The following CNTNAP2 variants were observed in gnomAD, a reference collection of about 807,000 sequenced individuals.
CNTNAP2 encodes the protein contactin associated protein 2, also known as contactin-associated protein-like 2.
In CNTNAP2, 98 loss-of-function variants were observed where a neutral mutation model predicts 155.2. The ratio of observed to expected loss-of-function variants is 0.63; its 90% confidence interval spans 0.54 to 0.75. The LOEUF (loss-of-function observed/expected upper bound fraction) is 0.75. Among genes scored for constraint, CNTNAP2 ranks in the 30% least tolerant of loss-of-function variants. The probability of loss-of-function intolerance (pLI) is 0.00; values close to 1 mark genes in which losing one functional copy is unlikely to be tolerated. For synonymous variants in CNTNAP2, 651 were observed against 631.2 expected (o/e 1.03, Z -0.47); for missense variants, 1,727 against 1,688.1 (o/e 1.02, Z -0.40).
At chr7:147,939,535 G>C (rs1055130202) in intron 14 of CNTNAP2, among the ~76,000 whole-genome samples, 1 of 152,024 alleles carries the variant, frequency 6.6e-6, no homozygotes, top group African/African-American at 2.4e-5. Flanking sequence ...CACCATGTTG[G>C]CCAAGCTGGT....
intron 12 of CNTNAP2, among the ~76,000 whole-genome samples, chr7:147,605,911 C>CTGTGTGTG (rs1485649155): frequency 6.6e-6 from 1 of 150,804 alleles, no homozygotes; most frequent in African/African-American, 2.5e-5. Flanking sequence ...CTCTTTCTCT[C>CTGTGTGTG]TCTCTGTGTG....
At chr7:147,128,567 C>T (rs1801284192) in intron 6 of CNTNAP2, 126 bp from the exon 7 acceptor site, 1 of 1,019,656 alleles carries the variant, frequency 9.8e-7, no homozygotes, top group Admixed American at 2.0e-5. Context: ...ATTTTGGAGG[C>T]AGAATGCTAT....
intron 1 of CNTNAP2, among the ~76,000 whole-genome samples, chr7:146,682,788 G>A (rs1297038202): frequency 6.6e-6 from 1 of 152,114 alleles, no homozygotes; most frequent in Non-Finnish European, 1.5e-5. Flanking sequence ...ATGCATAATC[G>A]GTTAATAGAT....
Position 147,330,257 on chromosome 7 carries a change from T to C in CNTNAP2, c.1498+29967T>C, listed in dbSNP as rs116517303. ...TTGATGAACACACAGAGGTGCTAGGTTAGTGGCATCCCCAGAGAAGGTATA... is the reference window on the plus strand; with the variant it reads ...TTGATGAACACACAGAGGTGCTAGGCTAGTGGCATCCCCAGAGAAGGTATA... On this transcript the variant is annotated intron_variant, in intron 9 of 23. Transcript: ENST00000361727. 3.8e-3 allele frequency among the ~76,000 whole-genome samples: 584 copies of C among 152,200 alleles called. 4 individuals carry two copies. Among genetic ancestry groups the C allele is most frequent in the African/African-American group, 0.011 (454 of 41,530 alleles).
intron 13 of CNTNAP2, among the ~76,000 whole-genome samples, chr7:147,734,652 T>C (rs1340387889): frequency 6.6e-6 from 1 of 152,134 alleles, no homozygotes; most frequent in African/African-American, 2.4e-5. Context: ...GTCCTGCACA[T>C]TTTTTGGTTG....
chr7:146,617,081 G>A (rs1302350552), intron 1 of CNTNAP2, among the ~76,000 whole-genome samples: 2 of 152,120 alleles, frequency 1.3e-5, no homozygotes, highest in African/African-American at 4.8e-5. Context: ...GTGCAGTGGC[G>A]CGATCTCCGC....
chr7:147,460,443 A>G (rs4726863), intron 10 of CNTNAP2, among the ~76,000 whole-genome samples: 34,371 of 152,086 alleles, frequency 0.23, 4,400 homozygotes, highest in African/African-American at 0.34. Flanking sequence ...CTGTGGCTGC[A>G]TAAATTGACT....
rs1297049227 is a variant in CNTNAP2 at position 148,409,807 on chromosome 7, TTTGGGAGGC to T, written c.3796+337_3796+345del. Among the ~76,000 whole-genome samples, 99 of 37,320 alleles carry T rather than the reference TTTGGGAGGC, an allele frequency of 2.7e-3. 3 individuals are homozygous for T. The highest frequency in any genetic ancestry group is 8.5e-3 in the Middle Eastern group (1 of 118). 24.5% of individuals were successfully genotyped at this position (37,320 alleles called of 152,430 possible). Reference sequence around the variant, plus strand: ...TGGCTCACGCCTGTAATCCCAGCACTTTGGGAGGCCGAGGCGGGCGGATCACAAGGTCAG... The same window carrying T: ...TGGCTCACGCCTGTAATCCCAGCACTCGAGGCGGGCGGATCACAAGGTCAG... On this transcript the variant is annotated intron_variant, in intron 23 of 23. Transcript: ENST00000361727.
chr7:147,464,391 C>T (rs573424889), intron 10 of CNTNAP2, among the ~76,000 whole-genome samples: 51 of 148,610 alleles, frequency 3.4e-4, no homozygotes, highest in African/African-American at 1.2e-3. Context: ...TGCTTGAACC[C>T]GGGAGGTGGA....
At chr7:147,826,377 T>C (rs1798450024) in intron 13 of CNTNAP2, among the ~76,000 whole-genome samples, 2 of 152,354 alleles carry the variant, frequency 1.3e-5, no homozygotes, top group Non-Finnish European at 2.9e-5. Flanking sequence ...TCTGATTCTA[T>C]AATTGGAACT....
intron 2 of CNTNAP2, among the ~76,000 whole-genome samples, chr7:146,807,458 G>C (rs1802987944): frequency 6.6e-6 from 1 of 151,964 alleles, no homozygotes; most frequent in South Asian, 2.1e-4. Flanking sequence ...CCCACTTTTG[G>C]GGTGATGAGA....
intron 10 of CNTNAP2, among the ~76,000 whole-genome samples, chr7:147,457,323 C>T (rs2116579937): frequency 6.6e-6 from 1 of 152,238 alleles, no homozygotes; most frequent in Middle Eastern, 3.4e-3. Context: ...CATTTTCCTT[C>T]GACTCAATGT....
chr7:146,118,550 T>G (rs2116713862), intron 1 of CNTNAP2, among the ~76,000 whole-genome samples: 1 of 152,180 alleles, frequency 6.6e-6, no homozygotes, highest in South Asian at 2.1e-4. Flanking sequence ...ATTAAATTTA[T>G]TATATTCACT....
At chr7:146,608,871 A>G (rs1799089490) in intron 1 of CNTNAP2, among the ~76,000 whole-genome samples, 1 of 152,098 alleles carries the variant, frequency 6.6e-6, no homozygotes, top group Non-Finnish European at 1.5e-5. Context: ...TAGTGTACAT[A>G]CCTCTTACTT....
chr7:146,915,659 T>A (rs1280072081), intron 3 of CNTNAP2, among the ~76,000 whole-genome samples: 1 of 152,208 alleles, frequency 6.6e-6, no homozygotes, highest in Non-Finnish European at 1.5e-5. Context: ...TACTGATTTT[T>A]GTACATTAAT....
intron 9 of CNTNAP2, among the ~76,000 whole-genome samples, chr7:147,355,105 G>A (rs1026663703): frequency 1.1e-4 from 16 of 151,860 alleles, no homozygotes; most frequent in African/African-American, 3.9e-4. Context: ...CATCTGGCTT[G>A]AGGAGCTTTA....
intron 3 of CNTNAP2, among the ~76,000 whole-genome samples, chr7:146,929,031 G>A (rs1461016259): frequency 6.6e-6 from 1 of 152,196 alleles, no homozygotes; most frequent in Non-Finnish European, 1.5e-5. Flanking sequence ...CTAAAAGACA[G>A]CAGTAACCTC....
At chr7:147,842,032 G>A (rs561708796) in intron 13 of CNTNAP2, among the ~76,000 whole-genome samples, 6 of 151,720 alleles carry the variant, frequency 4.0e-5, no homozygotes, top group African/African-American at 1.2e-4. Context: ...GCCATTAATT[G>A]TTTATTATCA....
At chr7:147,189,963 C>T (rs1447947115) in intron 8 of CNTNAP2, among the ~76,000 whole-genome samples, 11 of 152,160 alleles carry the variant, frequency 7.2e-5, no homozygotes, top group Admixed American at 5.2e-4. Context: ...CCAGGATGAT[C>T]TCCATCTCTT....
Sources: gnomAD v4.1 joint callset for allele counts (sites outside exome capture counted in the v4.1 genomes callset) on GRCh38, gnomAD v4.1.1 for gene constraint, MANE v1.5 for transcripts, NCBI Gene and HGNC (gene_info 2026-07-23, HGNC 2026-07-21) for gene names.